SLCO1A2: variants seen among roughly 807,000 people sequenced by gnomAD.
The protein encoded by SLCO1A2 is OATP-1.
Under a neutral mutation model 69.0 loss-of-function variants are expected in SLCO1A2, and 67 were observed. The observed-to-expected ratio is 0.97, with a 90% CI of 0.80 to 1.19. The LOEUF is 1.19. SLCO1A2 is among the 50% of genes most tolerant of loss of function. The pLI, the probability that SLCO1A2 is intolerant of heterozygous loss-of-function variation, is 0.00. For synonymous variants in SLCO1A2, 260 were observed against 265.9 expected (o/e 0.98, Z 0.22); for missense variants, 787 against 793.7 (o/e 0.99, Z 0.10).
upstream of SLCO1A2, among the ~76,000 whole-genome samples, chr12:21,395,699 A>G (rs1941421366): frequency 6.6e-6 from 1 of 152,156 alleles, no homozygotes; most frequent in African/African-American, 2.4e-5. Context: ...CTGCCTCCTC[A>G]AGTGGGTCCC....
At position 21,408,927 on chromosome 12, in the gene SLCO1A2, G is replaced by T. The variant is rs117141935; in HGVS notation, c.-312+8955C>A. ...ACTGGTAGAATAAAACTTTTTAAAG[G>T]CTGGTAGAATAAAACTTTCAAATTG... On this transcript the variant is annotated intron_variant, in intron 1 of 4. Coordinates refer to the SLCO1A2 transcript ENST00000413682. Among the ~76,000 whole-genome samples, 84 of 151,526 alleles carry T rather than the reference G, an allele frequency of 5.5e-4. 1 individual carries two copies. The highest frequency in any genetic ancestry group is 9.7e-4 in the Non-Finnish European group (66 of 68,014).
intron 1 of SLCO1A2, among the ~76,000 whole-genome samples, chr12:21,394,016 A>T (rs1302394897): frequency 6.6e-6 from 1 of 152,210 alleles, no homozygotes. Flanking sequence ...ACCTTGTATC[A>T]ATCTAGCAAT....
intron 1 of SLCO1A2, among the ~76,000 whole-genome samples, chr12:21,384,891 G>A (rs769291320): frequency 7.3e-5 from 11 of 150,768 alleles, no homozygotes; most frequent in Non-Finnish European, 1.3e-4. Flanking sequence ...TCGGCTTCCC[G>A]AGTAGCTGGG....
intron 12 of SLCO1A2, among the ~76,000 whole-genome samples, chr12:21,277,403 A>G (rs1314295733): frequency 1.3e-5 from 2 of 152,142 alleles, no homozygotes; most frequent in Non-Finnish European, 2.9e-5. Flanking sequence ...ATACGCAGGT[A>G]GTATGTTATG....
intron 1 of SLCO1A2, among the ~76,000 whole-genome samples, chr12:21,393,074 T>C (rs574958022): frequency 1.3e-5 from 2 of 152,298 alleles, no homozygotes; most frequent in East Asian, 3.9e-4. Context: ...TGAGACCATA[T>C]TTCTCTAAGT....
At chr12:21,277,022 T>C (rs1943981043) in intron 12 of SLCO1A2, among the ~76,000 whole-genome samples, 3 of 152,210 alleles carry the variant, frequency 2.0e-5, no homozygotes, top group Admixed American at 2.0e-4. Flanking sequence ...TCAGAGCCAA[T>C]GGACTTGGGA....
intron 2 of SLCO1A2, among the ~76,000 whole-genome samples, chr12:21,361,676 A>T (rs12823714): frequency 0.32 from 48,981 of 151,782 alleles, 8,162 homozygotes; most frequent in East Asian, 0.46. Context: ...GTGTAGAGAA[A>T]AGACAGTGTA....
chr12:21,287,186 A>G (rs1945998204), intron 12 of SLCO1A2, among the ~76,000 whole-genome samples: 1 of 141,876 alleles, frequency 7.0e-6, no homozygotes, highest in Non-Finnish European at 1.5e-5. Context: ...CAACCCCATC[A>G]AAAAGTGGGC....
At chr12:21,417,987 A>G (rs987941996) in exon 1 of SLCO1A2, 2 of 152,148 alleles carry the variant, frequency 1.3e-5, no homozygotes, top group Admixed American at 1.3e-4. Context: ...ATGGGTCTCT[A>G]TTGAGGTAGG....
intron 8 of SLCO1A2, among the ~76,000 whole-genome samples, chr12:21,298,151 A>G (rs1177673777): frequency 1.3e-5 from 2 of 152,198 alleles, no homozygotes; most frequent in African/African-American, 2.4e-5. Context: ...TCTCAGCAAG[A>G]TCTACCTGGA....
chr12:21,316,522 A>G (rs1397217367), intron 3 of SLCO1A2, among the ~76,000 whole-genome samples: 1 of 150,812 alleles, frequency 6.6e-6, no homozygotes, highest in Admixed American at 6.6e-5. Context: ...GTCTAACTGG[A>G]TATTTCTAAT....
chr12:21,284,305 T>C (rs11045933), intron 12 of SLCO1A2, among the ~76,000 whole-genome samples: 55,433 of 151,998 alleles, frequency 0.36, 11,155 homozygotes, highest in African/African-American at 0.55. Flanking sequence ...CAGCTCCCAG[T>C]GTGAGCGATG....
chr12:21,407,665 G>A (rs1486105810), intron 1 of SLCO1A2, among the ~76,000 whole-genome samples: 2 of 152,082 alleles, frequency 1.3e-5, no homozygotes, highest in Admixed American at 6.5e-5. Context: ...GCCAGGCATG[G>A]TAGTGAGTGC....
intron 1 of SLCO1A2, chr12:21,376,450 G>A (rs143743430): frequency 5.3e-6 from 1 of 189,416 alleles, no homozygotes; most frequent in African/African-American, 2.4e-5. Context: ...ATGTACATTG[G>A]TCATATTTAT....
chr12:21,374,520 C>T (rs982243971), exon 2 of SLCO1A2: 2 of 152,184 alleles, frequency 1.3e-5, no homozygotes, highest in Admixed American at 6.5e-5. Context: ...AAGATTTCTA[C>T]AGCACCTACG....
chr12:21,286,300 A>G (rs1236959306), intron 12 of SLCO1A2, among the ~76,000 whole-genome samples: 1 of 148,012 alleles, frequency 6.8e-6, no homozygotes, highest in Non-Finnish European at 1.5e-5. Flanking sequence ...TCCAACTTAC[A>G]AGGGATGTGA....
At chr12:21,288,301 T>C (rs953784376) in intron 12 of SLCO1A2, among the ~76,000 whole-genome samples, 1 of 151,902 alleles carries the variant, frequency 6.6e-6, no homozygotes, top group African/African-American at 2.4e-5. Flanking sequence ...AATTAGTGGG[T>C]GTGGTGGTGC....
intron 1 of SLCO1A2, among the ~76,000 whole-genome samples, chr12:21,388,944 T>C (rs948636870): frequency 6.6e-6 from 1 of 152,218 alleles, no homozygotes; most frequent in Non-Finnish European, 1.5e-5. Flanking sequence ...ACCTCATCAT[T>C]GTAAATACCA....
chr12:21,272,566 T>C (rs1024359800), intron 14 of SLCO1A2, among the ~76,000 whole-genome samples: 6 of 152,080 alleles, frequency 3.9e-5, no homozygotes, highest in East Asian at 1.9e-4. Context: ...AACTTACTTA[T>C]ATTTTGTTGA....
Sources: gnomAD v4.1 joint callset for allele counts (sites outside exome capture counted in the v4.1 genomes callset) on GRCh38, gnomAD v4.1.1 for gene constraint, MANE v1.5 for transcripts, NCBI Gene and HGNC (gene_info 2026-07-23, HGNC 2026-07-21) for gene names.